Variants in IL2RB observed in about 807,000 individuals in gnomAD.
IL2RB encodes interleukin 2 receptor subunit beta.
Under a neutral mutation model 44.2 loss-of-function variants are expected in IL2RB, and 17 were observed. That is an observed-to-expected ratio of 0.38 (90% confidence interval 0.26 to 0.58). The LOEUF (loss-of-function observed/expected upper bound fraction) is 0.58. Among genes scored for constraint, IL2RB ranks in the 20% least tolerant of loss-of-function variants. The probability of loss-of-function intolerance (pLI) is 0.63; values close to 1 mark genes in which losing one functional copy is unlikely to be tolerated. For synonymous variants in IL2RB, 286 were observed against 297.9 expected (o/e 0.96, Z 0.41); for missense variants, 624 against 685.5 (o/e 0.91, Z 1.00).
upstream of IL2RB, chr22:37,149,973 G>C: frequency 1.1e-6 from 1 of 943,848 alleles, no homozygotes; most frequent in Non-Finnish European, 1.3e-6. Flanking sequence ...CTGTGCAGAG[G>C]ATAGAGGGGC....
chr22:37,137,979 C>T (rs1023804475), intron 5 of IL2RB, among the ~76,000 whole-genome samples: 3 of 152,182 alleles, frequency 2.0e-5, no homozygotes, highest in Non-Finnish European at 4.4e-5. Flanking sequence ...CAGTGCTTAT[C>T]ATCACCTGAC....
At chr22:37,163,461 A>G (rs1922952780) in intron 1 of IL2RB, among the ~76,000 whole-genome samples, 1 of 152,204 alleles carries the variant, frequency 6.6e-6, no homozygotes, top group Non-Finnish European at 1.5e-5. Context: ...CGCTTCTAGA[A>G]GCAGGAGGCC....
At position 37,144,164 on chromosome 22, in the gene IL2RB, G is replaced by A. The variant is rs1244437871; in HGVS notation, c.9C>T (p.Ala3=). 1.9e-6 allele frequency: 3 copies of A among 1,551,212 alleles called. No individual in the cohort carries two copies. Among genetic ancestry groups the A allele is most frequent in the Non-Finnish European group, 2.6e-6 (3 of 1,146,860 alleles). The change falls in exon 2 of 10, where the codon GCC becomes GCT. Residue 3 remains alanine, a synonymous_variant. Transcript: ENST00000216223. MA[A]PALSWRLPLL... ...GGGGCAGACGCCAGGACAGAGCAGG[G>A]GCCGCCATTACATCCACAGGGTGGA...
chr22:37,170,091 T>G (rs141178739), intron 1 of IL2RB, among the ~76,000 whole-genome samples: 1 of 77,702 alleles, frequency 1.3e-5, no homozygotes, highest in Admixed American at 1.3e-4. Flanking sequence ...GAAGGAAGAA[T>G]GGATGGATGG....
rs771589404 is a variant in IL2RB, at chr22:37,135,300, T to C, written c.818+28A>G. The C allele has an allele frequency of 1.6e-5, 25 of 1,525,556 alleles. No homozygotes were observed. In the East Asian group the frequency reaches 5.0e-4, roughly 30 times the overall value. The allele number at this position is 1,525,556 out of a possible 1,614,324, so 94.5% of individuals were successfully genotyped here. ...TGTGCACGTTGGAGGGGTGGGAGCA[T>C]GAAGGAAGGGGAGGAGAACCTTCTT... On this transcript the variant is annotated intron_variant, in intron 8 of 9. Transcript: ENST00000216223.
Position 37,130,585 on chromosome 22 carries a change from C to T in IL2RB, c.904-1737G>A, listed in dbSNP as rs184058073. On this transcript the variant is annotated intron_variant, in intron 9 of 9. Transcript: ENST00000216223. Reference sequence around the variant, plus strand: ...CATCATGCCTTCTTCCTCAGGACCCCGCTCCACACACTAGACCCAAGGATA... The same window carrying T: ...CATCATGCCTTCTTCCTCAGGACCCTGCTCCACACACTAGACCCAAGGATA... Among the ~76,000 whole-genome samples the T allele has an allele frequency of 1.9e-3, 296 of 152,278 alleles. 1 individual carries two copies. Among genetic ancestry groups the T allele is most frequent in the Middle Eastern group, 0.01 (3 of 294 alleles).
rs1259670228 is a variant in IL2RB, at chr22:37,163,664, C to A, written c.-34+11294G>T. Among the ~76,000 whole-genome samples, 3 of 151,344 alleles carry A rather than the reference C, an allele frequency of 2.0e-5. No homozygotes were observed. The East Asian group carries it at 5.8e-4, about 29-fold the overall frequency. On this transcript the variant is annotated intron_variant, in intron 1 of 5. Transcript: ENST00000429622. The stretch of plus-strand genomic sequence containing the variant: ...CTCCTGGCATGAGGATGCCTTATAC[C>A]CCCGCCCTGAGGCCCCCCATTCGGG...
At chr22:37,139,333 C>G in intron 4 of IL2RB, 111 bp from the exon 5 acceptor site, 1 of 694,616 alleles carries the variant, frequency 1.4e-6, no homozygotes, top group Non-Finnish European at 2.6e-6. Context: ...TGCCCCGCCA[C>G]CCAAGGCAGG....
chr22:37,139,023 G>T, intron 5 of IL2RB, 94 bp downstream of exon 5: 2 of 806,236 alleles, frequency 2.5e-6, no homozygotes, highest in South Asian at 1.5e-5. Context: ...GGAAGCTGCC[G>T]GGGAGAAAGG....
At position 37,143,621 on chromosome 22, in the gene IL2RB, T is replaced by A. The variant is rs1922073765; in HGVS notation, c.103A>T (p.Thr35Ser). ...TTGGCTCTCGAGTTGTAGAAGCATG[T>A]GAACTGGGAAGTGCCTGCCGGGCAA... ...SAAVNGTSQF[T>S]CFYNSRANIS... Residue 35 changes from threonine (T) to serine (S), a missense_variant, in exon 3 of 10, where the codon ACA becomes TCA. Around this residue, in one of 3 missense-constraint regions of IL2RB, gnomAD observed 78 missense variants for 70.0 expected, o/e 1.11. Transcript: ENST00000216223. The A allele has an allele frequency of 6.2e-7, 1 of 1,613,662 alleles. No homozygotes were observed.
At chr22:37,139,321 C>T (rs752863640) in intron 4 of IL2RB, 99 bp from the exon 5 acceptor site, 1 of 739,092 alleles carries the variant, frequency 1.4e-6, no homozygotes, top group Non-Finnish European at 2.4e-6. Context: ...AGCCTCTCCA[C>T]ATGCCCCGCC....
At chr22:37,170,072 G>GAA (rs1569056283) in intron 1 of IL2RB, among the ~76,000 whole-genome samples, 2 of 3,672 alleles carry the variant, frequency 5.4e-4, no homozygotes, top group Non-Finnish European at 8.3e-3. Flanking sequence ...AGGAAGGATG[G>GAA]GGGAGAAGGA....
chr22:37,168,393 A>T (rs1923150702), intron 1 of IL2RB, among the ~76,000 whole-genome samples: 1 of 152,222 alleles, frequency 6.6e-6, no homozygotes, highest in Admixed American at 6.5e-5. Context: ...CTGGAGCCAT[A>T]GGGGAGGCTC....
In IL2RB at chr22:37,128,056, C is replaced by T. The variant is rs773822329; in HGVS notation, c.*40G>A. The T allele has an allele frequency of 1.5e-5, 22 of 1,465,966 alleles. No individual in the cohort carries two copies. The highest frequency in any genetic ancestry group is 1.8e-5 in the Non-Finnish European group (20 of 1,110,360). 90.8% of individuals were successfully genotyped at this position (1,465,966 alleles called of 1,614,324 possible). A position where few individuals can be genotyped will look rare whatever the true frequency, so the allele number is the denominator to read the frequency against. On this transcript the variant is annotated 3_prime_UTR_variant, in exon 10 of 10. Transcript: ENST00000216223. The surrounding 1 kb of genome is among the most constrained non-coding windows in gnomAD (Gnocchi z 4.5). ...AACAGGGTCCTTCTGAGGCTCGGCG[C>T]AGAGCAGGCAGCTGCCTGCCTCCCA...
At chr22:37,161,722 C>G (rs761603954) in intron 1 of IL2RB, 2 of 151,962 alleles carry the variant, frequency 1.3e-5, no homozygotes. Flanking sequence ...GGGCATGTGA[C>G]CAGGTTCCCC....
chr22:37,168,026 T>C (rs992373431), intron 1 of IL2RB, among the ~76,000 whole-genome samples: 12 of 152,174 alleles, frequency 7.9e-5, no homozygotes, highest in African/African-American at 2.9e-4. Context: ...ATGACAAGGA[T>C]GTGTGGGATT....
At chr22:37,146,917 T>A (rs1328547295) in intron 1 of IL2RB, among the ~76,000 whole-genome samples, 2 of 152,022 alleles carry the variant, frequency 1.3e-5, no homozygotes, top group Non-Finnish European at 2.9e-5. Flanking sequence ...CCAAGAGCCA[T>A]GGGTTCCATC....
intron 1 of IL2RB, among the ~76,000 whole-genome samples, chr22:37,169,077 G>A (rs1416626050): frequency 6.6e-6 from 1 of 151,900 alleles, no homozygotes; most frequent in Non-Finnish European, 1.5e-5. Context: ...AGGGGTTCTT[G>A]CTTACAGAGG....
rs535054423 is a variant in IL2RB, at chr22:37,160,645, C to A, written c.-34+14313G>T. Among the ~76,000 whole-genome samples, 4 of 150,094 alleles carry A rather than the reference C, an allele frequency of 2.7e-5. No individual in the cohort carries two copies. The East Asian group carries it at 5.8e-4, about 22-fold the overall frequency. ...TTGCTTGAGCTCAGGAATTCGAGAC[C>A]AGCCTGGCCAACATGCCGAAACCCT... On this transcript the variant is annotated intron_variant, in intron 1 of 5. Coordinates refer to the IL2RB transcript ENST00000429622.
Sources: gnomAD v4.1 joint callset for allele counts (sites outside exome capture counted in the v4.1 genomes callset) on GRCh38, gnomAD v4.1.1 for gene constraint, gnomAD v4.1.1 regional missense constraint, Gnocchi (gnomAD v3.1) non-coding constraint, MANE v1.5 for transcripts, NCBI Gene and HGNC (gene_info 2026-07-23, HGNC 2026-07-21) for gene names.